CNTNAP2: variants seen among roughly 807,000 people sequenced by gnomAD.
CNTNAP2 encodes the protein contactin-associated protein-like 2.
A neutral mutation model predicts 155.2 loss-of-function variants in CNTNAP2; 98 were observed. That is an observed-to-expected ratio of 0.63 (90% CI 0.54 to 0.75). The LOEUF (loss-of-function observed/expected upper bound fraction) is 0.75. Ranked by LOEUF, CNTNAP2 falls within the 30% of genes least tolerant of loss-of-function variation. The pLI, the probability that CNTNAP2 is intolerant of heterozygous loss-of-function variation, is 0.00. For synonymous variants in CNTNAP2, 651 were observed against 631.2 expected, an observed-to-expected ratio of 1.03 and a Z score of -0.47; for missense variants, 1,727 against 1,688.1, an observed-to-expected ratio of 1.02 and a Z score of -0.40.
rs556385262 is a variant in CNTNAP2 at position 147,857,143 on chromosome 7, G to A, written c.2099-46422G>A. On this transcript the variant is annotated intron_variant, in intron 13 of 23. Coordinates refer to ENST00000361727, the MANE Select transcript of CNTNAP2 (RefSeq NM_014141.6). ...TATATTTGTCAGAACTTTTTATCTTGGTTAGTTTAATTAAAATAAAGTCGG... is the reference window on the plus strand; with the variant it reads ...TATATTTGTCAGAACTTTTTATCTTAGTTAGTTTAATTAAAATAAAGTCGG... Among the ~76,000 whole-genome samples, 8 of 152,190 alleles carry A rather than the reference G, an allele frequency of 5.3e-5. No individual in the cohort carries two copies. In the South Asian group the frequency reaches 6.2e-4, roughly 12 times the overall value.
intron 13 of CNTNAP2, among the ~76,000 whole-genome samples, chr7:147,897,641 A>G (rs555952855): frequency 6.6e-6 from 1 of 152,348 alleles, no homozygotes; most frequent in Non-Finnish European, 1.5e-5. Flanking sequence ...AAATGGAACC[A>G]TCTACCTTTG....
At chr7:146,275,284 C>CT (rs1563017789) in intron 1 of CNTNAP2, among the ~76,000 whole-genome samples, 1 of 152,142 alleles carries the variant, frequency 6.6e-6, no homozygotes. Context: ...AATTGTAGAA[C>CT]TTTTTAAAAA....
At chr7:148,030,071 G>A (rs1802446995) in intron 15 of CNTNAP2, among the ~76,000 whole-genome samples, 1 of 152,208 alleles carries the variant, frequency 6.6e-6, no homozygotes, top group Non-Finnish European at 1.5e-5. Flanking sequence ...GAGTATGCCA[G>A]GAAAATAGCA....
intron 1 of CNTNAP2, among the ~76,000 whole-genome samples, chr7:146,430,419 C>G (rs1796158214): frequency 1.3e-5 from 2 of 151,688 alleles, no homozygotes; most frequent in South Asian, 4.2e-4. Flanking sequence ...GAGTATATAC[C>G]ACTTGTAATA....
chr7:148,349,950 C>G (rs1798398774), intron 21 of CNTNAP2, among the ~76,000 whole-genome samples: 1 of 152,058 alleles, frequency 6.6e-6, no homozygotes, highest in South Asian at 2.1e-4. Flanking sequence ...CCTCACAGGC[C>G]AAGGGCAAGG....
intron 8 of CNTNAP2, among the ~76,000 whole-genome samples, chr7:147,273,773 ATATT>A (rs1347804079): frequency 1.4e-5 from 2 of 146,842 alleles, no homozygotes; most frequent in African/African-American, 5.0e-5. Flanking sequence ...TTATACATAT[ATATT>A]TATATCTATT....
At chr7:147,701,839 T>G (rs998596760) in intron 13 of CNTNAP2, among the ~76,000 whole-genome samples, 3 of 152,166 alleles carry the variant, frequency 2.0e-5, no homozygotes, top group African/African-American at 7.2e-5. Flanking sequence ...ATCCTCAAAC[T>G]AAAATCTTTT....
intron 1 of CNTNAP2, among the ~76,000 whole-genome samples, chr7:146,767,193 G>A (rs1262206821): frequency 6.6e-6 from 1 of 152,072 alleles, no homozygotes; most frequent in South Asian, 2.1e-4. Flanking sequence ...GCAATTTTAT[G>A]ACCTGTTTTA....
intron 1 of CNTNAP2, among the ~76,000 whole-genome samples, chr7:146,385,240 G>T (rs925387441): frequency 3.3e-5 from 5 of 151,598 alleles, no homozygotes; most frequent in Admixed American, 2.6e-4. Flanking sequence ...TAATCTTGTT[G>T]CTCTTCCAGG....
intron 2 of CNTNAP2, chr7:146,782,082 C>G (rs969011334): frequency 6.6e-6 from 1 of 152,162 alleles, no homozygotes; most frequent in Non-Finnish European, 1.5e-5. Context: ...ATGAAGTAGA[C>G]TCAAGTTCCC....
Position 146,641,801 on chromosome 7 carries a change from G to A in CNTNAP2, c.98-132470G>A, listed in dbSNP as rs868206709. Among the ~76,000 whole-genome samples the A allele has an allele frequency of 5.1e-4, 78 of 152,288 alleles. 1 individual carries two copies. The highest frequency in any genetic ancestry group is 1.8e-3 in the African/African-American group (73 of 41,560). On this transcript the variant is annotated intron_variant, in intron 1 of 23. Transcript: ENST00000361727. ...GTTTTACAACTATCATAGAGATTCA[G>A]AACAGATGAATATATGTCTATCAGT...
At chr7:147,723,612 G>A (rs75224633) in intron 13 of CNTNAP2, among the ~76,000 whole-genome samples, 2,026 of 150,872 alleles carry the variant, frequency 0.013, 54 homozygotes, top group African/African-American at 0.046. Flanking sequence ...CTGCTTATAC[G>A]TGAAAAAAAG....
intron 13 of CNTNAP2, among the ~76,000 whole-genome samples, chr7:147,669,040 G>A (rs1323308136): frequency 6.6e-6 from 1 of 151,884 alleles, no homozygotes; most frequent in African/African-American, 2.4e-5. Flanking sequence ...TGTTACAGTT[G>A]CCTAAGGTAT....
intron 13 of CNTNAP2, among the ~76,000 whole-genome samples, chr7:147,752,161 C>T (rs1057265331): frequency 1.3e-5 from 2 of 152,176 alleles, no homozygotes; most frequent in Non-Finnish European, 1.5e-5. Flanking sequence ...TTCTTTGATA[C>T]AGATACGTAA....
intron 8 of CNTNAP2, among the ~76,000 whole-genome samples, chr7:147,208,938 T>C (rs1011778682): frequency 6.6e-6 from 1 of 151,984 alleles, no homozygotes; most frequent in Non-Finnish European, 1.5e-5. Flanking sequence ...GCAAATTGCA[T>C]AGTGCTATAC....
intron 13 of CNTNAP2, among the ~76,000 whole-genome samples, chr7:147,668,049 GGT>G (rs1795727115): frequency 6.6e-6 from 1 of 152,240 alleles, no homozygotes; most frequent in Non-Finnish European, 1.5e-5. Flanking sequence ...CTTGAACGTG[GGT>G]GTGGATGAGG....
chr7:148,143,512 C>G (rs934086201), intron 16 of CNTNAP2, among the ~76,000 whole-genome samples: 7 of 151,996 alleles, frequency 4.6e-5, no homozygotes, highest in Middle Eastern at 3.2e-3. Context: ...AACCCCATCT[C>G]TACAAAAAAT....
chr7:146,427,912 G>T (rs1796115778), intron 1 of CNTNAP2, among the ~76,000 whole-genome samples: 1 of 152,006 alleles, frequency 6.6e-6, no homozygotes, highest in Non-Finnish European at 1.5e-5. Flanking sequence ...CCTCCAACAG[G>T]CACTAGTGTG....
chr7:147,953,820 T>C (rs916650224), intron 14 of CNTNAP2, among the ~76,000 whole-genome samples: 1 of 152,154 alleles, frequency 6.6e-6, no homozygotes, highest in African/African-American at 2.4e-5. Context: ...TCAGCCTCTC[T>C]TGTCACGTGG....
Sources: allele counts gnomAD v4.1 joint callset (sites outside exome capture counted in the v4.1 genomes callset), GRCh38; gene constraint gnomAD v4.1.1; transcripts MANE v1.5; gene names NCBI Gene and HGNC (gene_info 2026-07-23, HGNC 2026-07-21).